Variants in GALNT17 observed in about 807,000 individuals in gnomAD.
GALNT17 encodes polypeptide N-acetylgalactosaminyltransferase 17, also known as UDP-GalNAc:polypeptide N-acetylgalactosaminyltransferase-like 3.
A neutral mutation model predicts 63.7 loss-of-function variants in GALNT17; 29 were observed. That is an observed-to-expected ratio of 0.46 (90% CI 0.34 to 0.62). GALNT17 has a LOEUF of 0.62. Ranked by LOEUF, GALNT17 falls within the 20% of genes least tolerant of loss-of-function variation. GALNT17 has a pLI of 0.01. For synonymous variants in GALNT17, 305 were observed against 318.3 expected, an observed-to-expected ratio of 0.96 and a Z score of 0.45; for missense variants, 603 against 799.6, an observed-to-expected ratio of 0.75 and a Z score of 2.97.
intron 3 of GALNT17, among the ~76,000 whole-genome samples, chr7:71,411,315 C>T (rs1247322328): frequency 6.6e-6 from 1 of 151,748 alleles, no homozygotes; most frequent in Non-Finnish European, 1.5e-5. Flanking sequence ...GAGATAAGGT[C>T]ACACCATGTG....
intron 9 of GALNT17, among the ~76,000 whole-genome samples, chr7:71,683,637 G>A (rs1052643752): frequency 6.6e-5 from 10 of 152,146 alleles, no homozygotes; most frequent in African/African-American, 2.4e-4. Flanking sequence ...AATGTCTGTC[G>A]CCTTGGTTTT....
At chr7:71,162,002 CCTT>C in intron 1 of GALNT17, among the ~76,000 whole-genome samples, 1 of 149,928 alleles carries the variant, frequency 6.7e-6, no homozygotes, top group African/African-American at 2.5e-5. Context: ...TTCCTTCTTC[CCTT>C]CTTCCTCCTT....
At chr7:71,453,550 C>T (rs138522763) in intron 5 of GALNT17, among the ~76,000 whole-genome samples, 2 of 152,302 alleles carry the variant, frequency 1.3e-5, no homozygotes, top group Admixed American at 6.5e-5. Flanking sequence ...AAACTTCCCC[C>T]ATGATTTAAT....
intron 5 of GALNT17, among the ~76,000 whole-genome samples, chr7:71,440,198 T>C (rs1364641340): frequency 6.6e-6 from 1 of 152,042 alleles, no homozygotes; most frequent in Non-Finnish European, 1.5e-5. Flanking sequence ...CTTACATATC[T>C]TTCTTCTTCT....
chr7:71,483,183 G>T (rs1375882588), intron 5 of GALNT17, among the ~76,000 whole-genome samples: 1 of 152,134 alleles, frequency 6.6e-6, no homozygotes, highest in Non-Finnish European at 1.5e-5. Flanking sequence ...GTCAGTGAGT[G>T]AGTGGTGAGA....
intron 1 of GALNT17, among the ~76,000 whole-genome samples, chr7:71,247,547 C>T (rs1790121760): frequency 6.6e-6 from 1 of 152,134 alleles, no homozygotes; most frequent in Non-Finnish European, 1.5e-5. Flanking sequence ...ACCTCTGCCT[C>T]CTGGGTTCAA....
At chr7:71,633,311 G>C (rs974097917) in intron 6 of GALNT17, among the ~76,000 whole-genome samples, 5 of 152,188 alleles carry the variant, frequency 3.3e-5, no homozygotes, top group Admixed American at 6.5e-5. Flanking sequence ...AATGTGGGGA[G>C]TTTGCATCAT....
intron 5 of GALNT17, among the ~76,000 whole-genome samples, chr7:71,537,579 A>T (rs910980904): frequency 6.6e-6 from 1 of 152,186 alleles, no homozygotes; most frequent in Non-Finnish European, 1.5e-5. Context: ...TGGGAGGCCG[A>T]GGCAGGCAGA....
intron 1 of GALNT17, among the ~76,000 whole-genome samples, chr7:71,261,426 C>CTA (rs35233159): frequency 6.6e-6 from 1 of 152,008 alleles, no homozygotes; most frequent in Non-Finnish European, 1.5e-5. Flanking sequence ...AAGCAAAGGT[C>CTA]TGTGTTTCAG....
chr7:71,280,348 T>C (rs1300335079), intron 1 of GALNT17, among the ~76,000 whole-genome samples: 1 of 152,192 alleles, frequency 6.6e-6, no homozygotes, highest in Non-Finnish European at 1.5e-5. Flanking sequence ...CAAGAAGTGC[T>C]AAGGAGCTTC....
intron 2 of GALNT17, among the ~76,000 whole-genome samples, chr7:71,347,201 C>T (rs1290558865): frequency 1.3e-5 from 2 of 151,992 alleles, no homozygotes; most frequent in Non-Finnish European, 2.9e-5. Context: ...ATATCTGGGC[C>T]ACCTAAAAAC....
At chr7:71,539,707 CT>C (rs71089953) in intron 5 of GALNT17, among the ~76,000 whole-genome samples, 9,695 of 70,350 alleles carry the variant, frequency 0.14, 132 homozygotes, top group East Asian at 0.36. Flanking sequence ...TTAGTCCCAC[CT>C]TTTTTTTTTT....
intron 1 of GALNT17, among the ~76,000 whole-genome samples, chr7:71,225,044 CT>C (rs1789656215): frequency 6.6e-6 from 1 of 152,138 alleles, no homozygotes; most frequent in Non-Finnish European, 1.5e-5. Flanking sequence ...TCTCTGCTCA[CT>C]GCAACCTCCA....
At chr7:71,184,383 T>C (rs1024990608) in intron 1 of GALNT17, among the ~76,000 whole-genome samples, 2 of 131,812 alleles carry the variant, frequency 1.5e-5, no homozygotes, top group African/African-American at 8.6e-5. Context: ...GCTTGAGTGC[T>C]GGGGCCAAAT....
chr7:71,559,074 CT>C (rs917663315), intron 5 of GALNT17, among the ~76,000 whole-genome samples: 2 of 152,204 alleles, frequency 1.3e-5, no homozygotes, highest in African/African-American at 4.8e-5. Flanking sequence ...GCTACTTCCA[CT>C]TAAAGGCAAA....
At chr7:71,609,332 C>T (rs953899048) in intron 6 of GALNT17, among the ~76,000 whole-genome samples, 3 of 152,168 alleles carry the variant, frequency 2.0e-5, no homozygotes, top group Non-Finnish European at 4.4e-5. Context: ...AGGTCACCAA[C>T]GTTCCTTTTT....
At chr7:71,430,290 C>T (rs888801528) in intron 5 of GALNT17, among the ~76,000 whole-genome samples, 1 of 152,106 alleles carries the variant, frequency 6.6e-6, no homozygotes, top group African/African-American at 2.4e-5. Flanking sequence ...ATTTATTTAG[C>T]CTGAATGCAC....
In GALNT17 at chr7:71,365,732, G is replaced by A. The variant is rs1792492364; in HGVS notation, c.423-22503G>A. 2.0e-5 allele frequency among the ~76,000 whole-genome samples: 3 copies of A among 151,686 alleles called. No individual in the cohort carries two copies. In the South Asian group the frequency reaches 6.2e-4, roughly 31 times the overall value. The stretch of plus-strand genomic sequence containing the variant: ...CAGTTGAATATGTTATTTATGAATT[G>A]TCTAGATCAGCAGTTCCCAGCCTTT... On this transcript the variant is annotated intron_variant, in intron 2 of 10. Coordinates refer to ENST00000333538, the MANE Select transcript of GALNT17 (RefSeq NM_022479.3).
chr7:71,315,126 A>G (rs141493679), intron 1 of GALNT17, among the ~76,000 whole-genome samples: 1 of 152,166 alleles, frequency 6.6e-6, no homozygotes, highest in African/African-American at 2.4e-5. Flanking sequence ...GCATACATCT[A>G]TTTGTTTTTT....
Sources: allele counts gnomAD v4.1 joint callset (sites outside exome capture counted in the v4.1 genomes callset), GRCh38; gene constraint gnomAD v4.1.1; transcripts MANE v1.5; gene names NCBI Gene and HGNC (gene_info 2026-07-23, HGNC 2026-07-21).